RGS22: variants seen among roughly 807,000 people sequenced by gnomAD.
The protein encoded by RGS22 is regulator of G protein signaling 22.
RGS22 carries 148 observed loss-of-function variants against 172.9 expected under a neutral mutation model. That is an observed-to-expected ratio of 0.86 (90% CI 0.75 to 0.98). RGS22 has a LOEUF of 0.98. Among genes scored for constraint, RGS22 ranks in the 50% least tolerant of loss-of-function variants. RGS22 has a pLI of 0.00. For missense variants in RGS22, 1,347 were observed against 1,440.8 expected (o/e 0.93, Z 1.05); for synonymous variants, 458 against 480.2 (o/e 0.95, Z 0.60).
At chr8:99,973,608 T>C (rs560653405) in intron 23 of RGS22, among the ~76,000 whole-genome samples, 6 of 152,184 alleles carry the variant, frequency 3.9e-5, no homozygotes, top group Admixed American at 1.3e-4. Flanking sequence ...CCGTGGCTCA[T>C]GCCTTAATCC....
At chr8:100,067,532 C>CA (rs943256812) in intron 6 of RGS22, among the ~76,000 whole-genome samples, 2 of 150,336 alleles carry the variant, frequency 1.3e-5, no homozygotes, top group African/African-American at 4.9e-5. Flanking sequence ...ATTTCAACTG[C>CA]AAAAAAAGAA....
At chr8:100,064,729 T>A (rs1810418212) in intron 7 of RGS22, among the ~76,000 whole-genome samples, 1 of 152,194 alleles carries the variant, frequency 6.6e-6, no homozygotes, top group African/African-American at 2.4e-5. Flanking sequence ...AATTAGAATA[T>A]GTATACTAAA....
chr8:99,978,064 A>C lies in RGS22; in HGVS notation c.3372T>G (p.Phe1124Leu), dbSNP rs779728510. Reference sequence around the variant, plus strand: ...GAGGCCAGAATTTAAACAGAACCCCAAAAATTGTCATCTGTATAAAAAAAA... The same window carrying C: ...GAGGCCAGAATTTAAACAGAACCCCCAAAATTGTCATCTGTATAAAAAAAA... ...YVFREAQMTI[F>L]GVLFKFWPQF... is the part of the protein sequence containing the mutation. The change falls in exon 23 of 28, where the codon TTT (phenylalanine) becomes TTG (leucine). Residue 1124 changes from phenylalanine (F) to leucine (L), a missense_variant. By Grantham distance (22) the Phe-to-Leu change is conservative (BLOSUM62 0). Coordinates refer to ENST00000360863, the MANE Select transcript of RGS22 (RefSeq NM_015668.5). 7 of 1,510,820 alleles carry C rather than the reference A, an allele frequency of 4.6e-6. No homozygotes were observed. The African/African-American group carries it at 5.8e-5, about 13-fold the overall frequency. The allele number at this position is 1,510,820 out of a possible 1,614,324, so 93.6% of individuals were successfully genotyped here. A position where few individuals can be genotyped will look rare whatever the true frequency, so the allele number is the denominator to read the frequency against.
In RGS22 at chr8:100,004,113, C is replaced by T. The variant is rs778602203; in HGVS notation, c.2455-15G>A. The T allele has an allele frequency of 1.3e-6, 2 of 1,571,386 alleles. No individual in the cohort carries two copies. The highest frequency in any genetic ancestry group is 3.7e-5 in the Admixed American group (2 of 54,586). On this transcript the variant is annotated splice_polypyrimidine_tract_variant and intron_variant, in intron 16 of 27. Transcript: ENST00000360863. The stretch of plus-strand genomic sequence containing the variant: ...CAAGTGGTGTCCTAGTGAAATAGTA[C>T]TTTTCAGCAAAAATCTCTTAAACAC...
intron 23 of RGS22, among the ~76,000 whole-genome samples, chr8:99,967,539 G>C (rs1008936955): frequency 6.6e-6 from 1 of 152,162 alleles, no homozygotes; most frequent in Non-Finnish European, 1.5e-5. Flanking sequence ...ACTCGAGCTT[G>C]GTAGGGGGAG....
At chr8:100,036,402 A>G (rs1413952654) in intron 14 of RGS22, among the ~76,000 whole-genome samples, 2 of 152,188 alleles carry the variant, frequency 1.3e-5, no homozygotes, top group Non-Finnish European at 1.5e-5. Context: ...TGGACTCTTT[A>G]GTCATGCTAA....
At chr8:100,017,843 T>C (rs1474428370) in intron 14 of RGS22, among the ~76,000 whole-genome samples, 2 of 152,208 alleles carry the variant, frequency 1.3e-5, no homozygotes, top group African/African-American at 4.8e-5. Context: ...CGCCCAGTTC[T>C]TCCTTTCTAG....
chr8:99,969,127 C>T (rs1292837753), intron 23 of RGS22, among the ~76,000 whole-genome samples: 1 of 152,178 alleles, frequency 6.6e-6, no homozygotes, highest in Non-Finnish European at 1.5e-5. Flanking sequence ...CTCAGAATTT[C>T]ATATCCAACC....
intron 3 of RGS22, among the ~76,000 whole-genome samples, chr8:100,090,046 A>T (rs1003626924): frequency 1.3e-5 from 2 of 152,186 alleles, no homozygotes; most frequent in East Asian, 3.8e-4. Flanking sequence ...TTGACCATCC[A>T]CCAATCCCAT....
intron 20 of RGS22, among the ~76,000 whole-genome samples, chr8:99,992,896 C>T (rs995739132): frequency 3.3e-5 from 5 of 152,278 alleles, no homozygotes; most frequent in Admixed American, 2.6e-4. Flanking sequence ...TGTGAAAGAA[C>T]AGAAATCACA....
Position 99,977,987 on chromosome 8 carries a change from A to G in RGS22, c.3449T>C (p.Leu1150Ser), listed in dbSNP as rs760859813. Residue 1150 changes from leucine (L) to serine (S), a missense_variant, in exon 23 of 28, where the codon TTA becomes TCA. Coordinates refer to ENST00000360863, the MANE Select transcript of RGS22 (RefSeq NM_015668.5). ...NLTDENIMSVLERRQEYNKQK... is the reference protein window; with the variant it reads ...NLTDENIMSVSERRQEYNKQK... ...CTTATTATATTCTTGTCTTCTCTCT[A>G]AAACACTCATAATATTTTCATCTGT... The G allele has an allele frequency of 1.3e-6, 2 of 1,554,208 alleles. No homozygotes were observed. Among genetic ancestry groups the G allele is most frequent in the Middle Eastern group, 1.7e-4 (1 of 5,916 alleles).
At chr8:100,070,767 A>AT (rs1261223496) in intron 6 of RGS22, among the ~76,000 whole-genome samples, 3 of 151,860 alleles carry the variant, frequency 2.0e-5, no homozygotes, top group South Asian at 2.1e-4. Context: ...ATTTGAAATC[A>AT]TTTTTTCTGT....
chr8:100,060,546 CA>C (rs1013614930), intron 9 of RGS22, among the ~76,000 whole-genome samples: 1 of 150,944 alleles, frequency 6.6e-6, no homozygotes, highest in East Asian at 1.9e-4. Context: ...ACAACTGCCA[CA>C]AAAAACATAC....
At chr8:99,995,496 A>G (rs1211459869) in intron 20 of RGS22, among the ~76,000 whole-genome samples, 3 of 152,238 alleles carry the variant, frequency 2.0e-5, no homozygotes, top group Non-Finnish European at 2.9e-5. Context: ...TATGCAGCCA[A>G]CAGACATGAA....
intron 10 of RGS22, among the ~76,000 whole-genome samples, chr8:100,051,807 A>T (rs1324776696): frequency 2.6e-5 from 1 of 38,584 alleles, no homozygotes; most frequent in Non-Finnish European, 4.6e-5. Context: ...ATTTATATAT[A>T]AATGTTTATA....
In RGS22 at chr8:100,068,835, G is replaced by C. The variant is rs182718027; in HGVS notation, c.594+2534C>G. Among the ~76,000 whole-genome samples the C allele has an allele frequency of 1.2e-4, 18 of 151,780 alleles. No homozygotes were observed. The East Asian group carries it at 3.5e-3, about 30-fold the overall frequency. On this transcript the variant is annotated intron_variant, in intron 6 of 27. Coordinates refer to ENST00000360863, the MANE Select transcript of RGS22 (RefSeq NM_015668.5). Reference sequence around the variant, plus strand: ...TGTAGTCCCAGCTACTTGGGGGGCAGAGGCAGGAGGATCCCTTGAACCTTG... The same window carrying C: ...TGTAGTCCCAGCTACTTGGGGGGCACAGGCAGGAGGATCCCTTGAACCTTG...
At chr8:100,072,331 CA>C in intron 4 of RGS22, 101 bp from the exon 5 acceptor site, 1 of 634,606 alleles carries the variant, frequency 1.6e-6, no homozygotes, top group South Asian at 2.2e-5. Context: ...CAGCTGTCAG[CA>C]GGAGCCCTAC....
Position 100,099,423 on chromosome 8 carries a change from T to C in RGS22, c.55-5914A>G, listed in dbSNP as rs1046484009. 3.3e-5 allele frequency among the ~76,000 whole-genome samples: 5 copies of C among 152,300 alleles called. No homozygotes were observed. The South Asian group carries it at 1.0e-3, about 32-fold the overall frequency. ...CTATACTTTACAGGTAAAAAGAGGA[T>C]GTGGCAAGCTTCTCTAAATCCCAAT... is the stretch of plus-strand genomic sequence containing the variant. On this transcript the variant is annotated intron_variant, in intron 2 of 27. Transcript: ENST00000360863.
At chr8:99,968,510 T>C (rs1251848147) in intron 23 of RGS22, among the ~76,000 whole-genome samples, 1 of 152,022 alleles carries the variant, frequency 6.6e-6, no homozygotes, top group African/African-American at 2.4e-5. Flanking sequence ...AACTGCTAAC[T>C]AGAATACCAG....
Sources: allele counts gnomAD v4.1 joint callset (sites outside exome capture counted in the v4.1 genomes callset), GRCh38; gene constraint gnomAD v4.1.1; transcripts MANE v1.5; gene names NCBI Gene and HGNC (gene_info 2026-07-23, HGNC 2026-07-21).